The following BCAS3 variants were observed in gnomAD, a reference collection of about 807,000 sequenced individuals.
The protein encoded by BCAS3 is BCAS3 microtubule associated cell migration factor.
BCAS3 carries 53 observed loss-of-function variants against 116.1 expected under a neutral mutation model. That is an observed-to-expected ratio of 0.46 (90% confidence interval 0.37 to 0.57). The LOEUF (loss-of-function observed/expected upper bound fraction) is 0.57. BCAS3 is among the 20% of genes least tolerant of loss of function. BCAS3 has a pLI of 0.00. For synonymous variants in BCAS3, 391 were observed against 408.2 expected (o/e 0.96, Z 0.51); for missense variants, 917 against 1,165.4 (o/e 0.79, Z 3.10).
At chr17:61,350,402 G>A (rs904368855) in intron 22 of BCAS3, among the ~76,000 whole-genome samples, 9 of 147,044 alleles carry the variant, frequency 6.1e-5, no homozygotes, top group Admixed American at 4.2e-4. Flanking sequence ...GCGACAGAGC[G>A]AGACTCTGTC....
chr17:61,115,503 C>T (rs1218214178), intron 22 of BCAS3, among the ~76,000 whole-genome samples: 1 of 138,922 alleles, frequency 7.2e-6, no homozygotes, highest in Non-Finnish European at 1.6e-5. Context: ...CTCATCATCA[C>T]TGGCCATCAG....
chr17:61,133,097 C>T (rs186628085), intron 22 of BCAS3, among the ~76,000 whole-genome samples: 16 of 152,292 alleles, frequency 1.1e-4, no homozygotes, highest in African/African-American at 3.6e-4. Flanking sequence ...AAAATTCTCT[C>T]TATGGCTTTT....
Position 61,004,306 on chromosome 17 carries a change from A to G in BCAS3, c.1487-11445A>G, listed in dbSNP as rs770471730. 2.6e-4 allele frequency among the ~76,000 whole-genome samples: 40 copies of G among 152,130 alleles called. No homozygotes were observed. The highest frequency in any genetic ancestry group is 5.4e-4 in the Non-Finnish European group (37 of 68,008). On this transcript the variant is annotated intron_variant, in intron 15 of 23. Coordinates refer to ENST00000407086, the MANE Select transcript of BCAS3 (RefSeq NM_017679.5). The surrounding 1 kb of genome is among the most constrained non-coding windows in gnomAD (Gnocchi z 4.8). Reference sequence around the variant, plus strand: ...GAAGTGCAAATGGGTAGAACAACAAATTTTGGGAAAAGAAGTGAATGTTCA... The same window carrying G: ...GAAGTGCAAATGGGTAGAACAACAAGTTTTGGGAAAAGAAGTGAATGTTCA...
chr17:60,827,350 A>G (rs1056585560), intron 7 of BCAS3, among the ~76,000 whole-genome samples: 2 of 152,300 alleles, frequency 1.3e-5, no homozygotes, highest in South Asian at 4.2e-4. Context: ...TTATATTTAT[A>G]TACTTTCTTT....
At chr17:61,120,869 T>G (rs760080422) in intron 22 of BCAS3, among the ~76,000 whole-genome samples, 14 of 152,152 alleles carry the variant, frequency 9.2e-5, no homozygotes, top group Non-Finnish European at 2.1e-4. Flanking sequence ...ATATATTTCA[T>G]AAGACTCTTT....
chr17:60,981,475 G>A (rs761887607), intron 14 of BCAS3, among the ~76,000 whole-genome samples: 1 of 151,954 alleles, frequency 6.6e-6, no homozygotes, highest in African/African-American at 2.4e-5. Context: ...TAGAGACAGG[G>A]TTTCACCATG....
Position 60,889,787 on chromosome 17 carries a change from T to C in BCAS3, c.738+16T>C. On this transcript the variant is annotated intron_variant, in intron 10 of 23. Coordinates refer to ENST00000407086, the MANE Select transcript of BCAS3 (RefSeq NM_017679.5). ...AGAAAACAAGGTAAGACGTGGCCTG[T>C]GTTTGGATTATTTGTAATGGAGCAA... is the stretch of plus-strand genomic sequence containing the variant. 1 of 1,600,492 alleles carries C rather than the reference T, an allele frequency of 6.2e-7. No homozygotes were observed. The highest frequency in any genetic ancestry group is 8.6e-7 in the Non-Finnish European group (1 of 1,168,870).
In BCAS3 at chr17:61,134,959, C is replaced by G. The variant is rs2076540985; in HGVS notation, c.2425+50395C>G. On this transcript the variant is annotated intron_variant, in intron 22 of 23. Transcript: ENST00000407086. This position sits in a 1 kb window ranked among gnomAD's most constrained non-coding sequence, Gnocchi z 4.6. ...AGTGATATACAGTATTTCTTCAAAA[C>G]TGGAATGTTATTAGAGTTCTTGCTT... is the stretch of plus-strand genomic sequence containing the variant. 6.6e-6 allele frequency among the ~76,000 whole-genome samples: 1 copy of G among 151,950 alleles called. No homozygotes were observed. The highest frequency in any genetic ancestry group is 2.4e-5 in the African/African-American group (1 of 41,380).
Position 61,097,337 on chromosome 17 carries a change from C to T in BCAS3, c.2425+12773C>T, listed in dbSNP as rs181358082. On this transcript the variant is annotated intron_variant, in intron 22 of 23. Coordinates refer to ENST00000407086, the MANE Select transcript of BCAS3 (RefSeq NM_017679.5). The surrounding 1 kb of genome is among the most constrained non-coding windows in gnomAD (Gnocchi z 4.0). ...GGGACTACAGGCGCCCGCCACCACG[C>T]CTGGCTAATTTTTTGTATTTTTAAT... Among the ~76,000 whole-genome samples, 14 of 152,232 alleles carry T rather than the reference C, an allele frequency of 9.2e-5. No individual in the cohort carries two copies. The highest frequency in any genetic ancestry group is 6.8e-3 in the Middle Eastern group (2 of 294).
intron 4 of BCAS3, among the ~76,000 whole-genome samples, chr17:60,693,946 C>T (rs528054124): frequency 2.1e-5 from 3 of 139,780 alleles, no homozygotes; most frequent in Admixed American, 7.5e-5. Context: ...AGTGCAGTGG[C>T]GTGATCTTGG....
chr17:61,244,818 G>C lies in BCAS3; in HGVS notation c.2426-123509G>C, dbSNP rs1049795781. 1.1e-4 allele frequency among the ~76,000 whole-genome samples: 16 copies of C among 152,058 alleles called. No individual in the cohort carries two copies. Among genetic ancestry groups the C allele is most frequent in the Non-Finnish European group, 2.2e-4 (15 of 67,998 alleles). On this transcript the variant is annotated intron_variant, in intron 22 of 23. Coordinates refer to ENST00000407086, the MANE Select transcript of BCAS3 (RefSeq NM_017679.5). This position sits in a 1 kb window ranked among gnomAD's most constrained non-coding sequence, Gnocchi z 4.9. ...GCAGAGCTTGCAGTGAGCCGAGATC[G>C]CGCCACTGTACCCCAGCCTGAGCAA...
Position 61,229,516 on chromosome 17 carries a change from G to T in BCAS3, c.2426-138811G>T, listed in dbSNP as rs1394236874. Among the ~76,000 whole-genome samples, 1 of 152,204 alleles carries T rather than the reference G, an allele frequency of 6.6e-6. No homozygotes were observed. The highest frequency in any genetic ancestry group is 6.5e-5 in the Admixed American group (1 of 15,284). On this transcript the variant is annotated intron_variant, in intron 22 of 23. Transcript: ENST00000407086. This position sits in a 1 kb window ranked among gnomAD's most constrained non-coding sequence, Gnocchi z 4.4. Reference sequence around the variant, plus strand: ...TTTCATAGCTAGAGAGGAGGAGTCAGTGCCTGGCTTCAAAGCTTCAATTGA... The same window carrying T: ...TTTCATAGCTAGAGAGGAGGAGTCATTGCCTGGCTTCAAAGCTTCAATTGA...
Position 61,118,874 on chromosome 17 carries a change from G to T in BCAS3, c.2425+34310G>T, listed in dbSNP as rs904179613. Among the ~76,000 whole-genome samples, 12 of 148,240 alleles carry T rather than the reference G, an allele frequency of 8.1e-5. No individual in the cohort carries two copies. The highest frequency in any genetic ancestry group is 1.5e-4 in the Non-Finnish European group (10 of 66,676). ...TAGATATTGTTTTTTGCCTAATCTG[G>T]TTTTTTTTTTGTTTCTTATTGCATA... On this transcript the variant is annotated intron_variant, in intron 22 of 23. Coordinates refer to ENST00000407086, the MANE Select transcript of BCAS3 (RefSeq NM_017679.5). The surrounding 1 kb of genome is among the most constrained non-coding windows in gnomAD (Gnocchi z 5.0).
intron 5 of BCAS3, among the ~76,000 whole-genome samples, chr17:60,714,035 C>T (rs1433375460): frequency 1.3e-5 from 2 of 152,114 alleles, no homozygotes; most frequent in Admixed American, 1.3e-4. Context: ...TGGGGTTTCA[C>T]CATGTTGGCC....
chr17:60,976,145 T>C (rs1390616306), intron 14 of BCAS3, among the ~76,000 whole-genome samples: 1 of 147,204 alleles, frequency 6.8e-6, no homozygotes, highest in East Asian at 2.2e-4. Flanking sequence ...TGCCTCAGCC[T>C]CCTGAGTAAC....
At chr17:60,845,244 G>C (rs1331823778) in intron 7 of BCAS3, among the ~76,000 whole-genome samples, 3 of 152,020 alleles carry the variant, frequency 2.0e-5, no homozygotes, top group Non-Finnish European at 4.4e-5. Context: ...TAAATAAATA[G>C]ATAACCCCAA....
intron 22 of BCAS3, among the ~76,000 whole-genome samples, chr17:61,127,882 C>A (rs896107040): frequency 6.6e-6 from 1 of 151,546 alleles, no homozygotes; most frequent in Non-Finnish European, 1.5e-5. Context: ...CGAATGCATA[C>A]ATACTGCTTC....
Position 61,132,033 on chromosome 17 carries a change from T to G in BCAS3, c.2425+47469T>G, listed in dbSNP as rs1006436120. ...ACCCCTGGCAGATACCTCACCGTGT[T>G]CTCCTTATAGCCACTCTGTCCCCAA... On this transcript the variant is annotated intron_variant, in intron 22 of 23. Transcript: ENST00000407086. This position sits in a 1 kb window ranked among gnomAD's most constrained non-coding sequence, Gnocchi z 5.1. Among the ~76,000 whole-genome samples, 1 of 152,356 alleles carries G rather than the reference T, an allele frequency of 6.6e-6. No homozygotes were observed. The highest frequency in any genetic ancestry group is 3.4e-3 in the Middle Eastern group (1 of 294).
chr17:61,306,424 T>G (rs1336838603), intron 22 of BCAS3, among the ~76,000 whole-genome samples: 1 of 152,176 alleles, frequency 6.6e-6, no homozygotes, highest in Non-Finnish European at 1.5e-5. Flanking sequence ...AAAAAACAAT[T>G]CCCCTTAAGA....
Sources: allele counts gnomAD v4.1 joint callset (sites outside exome capture counted in the v4.1 genomes callset), GRCh38; gene constraint gnomAD v4.1.1; non-coding constraint Gnocchi (gnomAD v3.1); transcripts MANE v1.5; gene names NCBI Gene and HGNC (gene_info 2026-07-23, HGNC 2026-07-21).